The following IL23R variants were observed in gnomAD, a reference collection of about 807,000 sequenced individuals.
The protein encoded by IL23R is interleukin 23 receptor.
IL23R carries 34 observed loss-of-function variants against 56.9 expected under a neutral mutation model. The ratio of observed to expected loss-of-function variants is 0.60; its 90% CI spans 0.45 to 0.80. The LOEUF is 0.80. Ranked by LOEUF, IL23R falls within the 30% of genes least tolerant of loss-of-function variation. The pLI is 0.00. For missense variants in IL23R, 635 were observed against 730.0 expected, an observed-to-expected ratio of 0.87 and a Z score of 1.50; for synonymous variants, 230 against 249.2, an observed-to-expected ratio of 0.92 and a Z score of 0.73.
At chr1:67,264,340 T>C (rs1653286367), downstream of IL23R, among the ~76,000 whole-genome samples, 1 of 152,236 alleles carries the variant, frequency 6.6e-6, no homozygotes, top group African/African-American at 2.4e-5. Context: ...GTGAACATAA[T>C]TAGATTTTAT....
intron 7 of IL23R, among the ~76,000 whole-genome samples, chr1:67,234,085 T>A (rs1651297678): frequency 6.6e-6 from 1 of 152,154 alleles, no homozygotes; most frequent in East Asian, 1.9e-4. Flanking sequence ...TTTTTTCTCC[T>A]TTTAATTTCT....
intron 9 of IL23R, among the ~76,000 whole-genome samples, chr1:67,247,325 A>G (rs1652296381): frequency 2.1e-5 from 3 of 141,870 alleles, no homozygotes; most frequent in Admixed American, 7.1e-5. Context: ...TTTTTTTGAG[A>G]TGGAGTTTCA....
upstream of IL23R, among the ~76,000 whole-genome samples, chr1:67,165,472 T>TC (rs1021764496): frequency 2.0e-4 from 30 of 152,064 alleles, no homozygotes; most frequent in Admixed American, 1.6e-3. Flanking sequence ...GGATCTATAG[T>TC]CCCCCCACAG....
At chr1:67,163,468 C>CA (rs57495148), upstream of IL23R, among the ~76,000 whole-genome samples, 444 of 49,608 alleles carry the variant, frequency 9.0e-3, 46 homozygotes, top group African/African-American at 0.033. Context: ...GACCCTGTCT[C>CA]AAAAAAAAAA....
At chr1:67,205,477 T>C (rs1237097814) in intron 5 of IL23R, among the ~76,000 whole-genome samples, 6 of 152,226 alleles carry the variant, frequency 3.9e-5, no homozygotes, top group Admixed American at 3.3e-4. Flanking sequence ...ATAGTACAGC[T>C]ATCAAAGTCA....
intron 9 of IL23R, among the ~76,000 whole-genome samples, chr1:67,249,382 C>T (rs185689128): frequency 5.0e-4 from 76 of 151,954 alleles, no homozygotes; most frequent in African/African-American, 1.7e-3. Flanking sequence ...TAGGATTTTC[C>T]GTGTTTGTGA....
At chr1:67,247,146 T>C (rs1054820078) in intron 9 of IL23R, among the ~76,000 whole-genome samples, 5 of 152,160 alleles carry the variant, frequency 3.3e-5, no homozygotes, top group African/African-American at 1.2e-4. Context: ...CCTGCTTTTT[T>C]TTTTCTTTCC....
intron 5 of IL23R, among the ~76,000 whole-genome samples, chr1:67,205,435 C>T (rs992164352): frequency 4.6e-5 from 7 of 152,136 alleles, no homozygotes; most frequent in Non-Finnish European, 1.0e-4. Context: ...GTCTCTAAAA[C>T]CACGCCTACA....
chr1:67,183,429 G>A (rs1422179487), intron 4 of IL23R, among the ~76,000 whole-genome samples: 1 of 152,202 alleles, frequency 6.6e-6, no homozygotes, highest in African/African-American at 2.4e-5. Flanking sequence ...CAGCTGCTCA[G>A]GAGGCTGAGG....
chr1:67,229,166 A>G (rs1650934902), intron 7 of IL23R, among the ~76,000 whole-genome samples: 1 of 152,206 alleles, frequency 6.6e-6, no homozygotes, highest in South Asian at 2.1e-4. Flanking sequence ...GTCTCAAGTA[A>G]TAGGTGGTTA....
intron 1 of IL23R, among the ~76,000 whole-genome samples, chr1:67,151,855 G>T (rs1418542598): frequency 6.6e-6 from 1 of 152,150 alleles, no homozygotes; most frequent in Non-Finnish European, 1.5e-5. Flanking sequence ...TGCTGTTTTG[G>T]TTACTGCAGC....
intron 1 of IL23R, among the ~76,000 whole-genome samples, chr1:67,148,974 C>A (rs887241671): frequency 6.6e-6 from 1 of 152,122 alleles, no homozygotes; most frequent in Admixed American, 6.5e-5. Flanking sequence ...CAGGGCTGCC[C>A]TAGCCAACCG....
chr1:67,181,950 A>G (rs921450201), intron 3 of IL23R, among the ~76,000 whole-genome samples: 1 of 152,162 alleles, frequency 6.6e-6, no homozygotes, highest in Non-Finnish European at 1.5e-5. Context: ...AACAGCGAAT[A>G]TTGGTGAACA....
intron 1 of IL23R, among the ~76,000 whole-genome samples, chr1:67,143,563 T>C (rs1354972509): frequency 6.6e-6 from 1 of 152,186 alleles, no homozygotes; most frequent in African/African-American, 2.4e-5. Context: ...GCCCCTTCAA[T>C]GGGTGAGGAG....
downstream of IL23R, among the ~76,000 whole-genome samples, chr1:67,261,065 C>A (rs1189361473): frequency 6.7e-6 from 1 of 149,482 alleles, no homozygotes; most frequent in Non-Finnish European, 1.5e-5. Context: ...AGCAAATGAG[C>A]AGGCTATTTT....
At chr1:67,144,010 C>T (rs1369992146) in intron 1 of IL23R, among the ~76,000 whole-genome samples, 2 of 151,994 alleles carry the variant, frequency 1.3e-5, no homozygotes, top group East Asian at 3.9e-4. Flanking sequence ...GTGCTTGAAA[C>T]TAAAAAACAA....
intron 6 of IL23R, among the ~76,000 whole-genome samples, chr1:67,213,543 C>CAT (rs757285520): frequency 3.9e-5 from 6 of 152,138 alleles, no homozygotes; most frequent in Non-Finnish European, 5.9e-5. Context: ...TGATGGATGG[C>CAT]ATATATGATG....
intron 7 of IL23R, among the ~76,000 whole-genome samples, chr1:67,232,066 G>A (rs183920971): frequency 1.3e-5 from 2 of 152,178 alleles, no homozygotes; most frequent in Non-Finnish European, 2.9e-5. Flanking sequence ...CATTTATAAA[G>A]AGTATGATCT....
At chr1:67,218,326 ATGTGTG>A (rs3052947) in intron 6 of IL23R, among the ~76,000 whole-genome samples, 4,324 of 124,614 alleles carry the variant, frequency 0.035, 115 homozygotes, top group East Asian at 0.14. Context: ...ATATATGCAT[ATGTGTG>A]TGTGTGTGTG....
Sources: gnomAD v4.1 joint callset for allele counts (sites outside exome capture counted in the v4.1 genomes callset) on GRCh38, gnomAD v4.1.1 for gene constraint, MANE v1.5 for transcripts, NCBI Gene and HGNC (gene_info 2026-07-23, HGNC 2026-07-21) for gene names.